HERC2: variants seen among roughly 807,000 people sequenced by gnomAD.
The protein encoded by HERC2 is HECT and RLD domain containing E3 ubiquitin protein ligase 2.
In HERC2, 102 loss-of-function variants were observed where a neutral mutation model predicts 537.7. The ratio of observed to expected loss-of-function variants is 0.19; its 90% CI spans 0.16 to 0.22. The LOEUF (loss-of-function observed/expected upper bound fraction) is 0.22, where lower values mean the gene tolerates loss of function less well. Among genes scored for constraint, HERC2 ranks in the 10% least tolerant of loss-of-function variants. The probability of loss-of-function intolerance (pLI) is 1.00; values close to 1 mark genes in which losing one functional copy is unlikely to be tolerated. For missense variants in HERC2, 4,236 were observed against 6,198.2 expected (o/e 0.68, Z 10.63); for synonymous variants, 2,224 against 2,466.2 (o/e 0.90, Z 2.91).
chr15:28,212,936 G>A (rs1213931857), intron 42 of HERC2: 1 of 315,658 alleles, frequency 3.2e-6, no homozygotes, highest in Admixed American at 6.5e-5. Context: ...GTCAGGCCAG[G>A]CACGGTGGCT....
intron 83 of HERC2, among the ~76,000 whole-genome samples, chr15:28,129,848 C>A (rs1889918949): frequency 6.8e-6 from 1 of 147,728 alleles, no homozygotes. Flanking sequence ...ACGATCTTGG[C>A]TCACTGCAAC....
intron 4 of HERC2, among the ~76,000 whole-genome samples, chr15:28,287,100 T>C (rs1240752148): frequency 1.3e-5 from 2 of 151,996 alleles, no homozygotes; most frequent in Admixed American, 6.6e-5. Context: ...AATAAAACGT[T>C]GGAAAAAAAT....
chr15:28,114,787 T>A lies in HERC2; in HGVS notation c.13738A>T (p.Ile4580Phe). The change falls in exon 90 of 93, where the codon ATT becomes TTT. Residue 4580 changes from isoleucine (I) to phenylalanine (F), a missense_variant. Coordinates refer to ENST00000261609, the MANE Select transcript of HERC2 (RefSeq NM_004667.6). ...TCTCGGATGTACATGAGTCCAGGAATAAAATCCTTATCAACCTTTTAAGGA... is the reference window on the plus strand; with the variant it reads ...TCTCGGATGTACATGAGTCCAGGAAAAAAATCCTTATCAACCTTTTAAGGA... ...ADLSEVDKDF[I>F]PGLMYIRDNE... The A allele has an allele frequency of 2.5e-6, 4 of 1,613,910 alleles. No homozygotes were observed. The highest frequency in any genetic ancestry group is 3.4e-6 in the Non-Finnish European group (4 of 1,179,972).
chr15:28,165,000 T>C (rs1893982178), intron 68 of HERC2, among the ~76,000 whole-genome samples: 1 of 152,042 alleles, frequency 6.6e-6, no homozygotes, highest in Non-Finnish European at 1.5e-5. Flanking sequence ...CCAAATGTAA[T>C]TAAAAATAAA....
intron 37 of HERC2, among the ~76,000 whole-genome samples, chr15:28,219,734 C>A (rs1323399472): frequency 6.6e-6 from 1 of 152,162 alleles, no homozygotes; most frequent in African/African-American, 2.4e-5. Flanking sequence ...CATTTCTGAG[C>A]CTGATGACAC....
chr15:28,310,287 A>G (rs148073915), intron 2 of HERC2, among the ~76,000 whole-genome samples: 248 of 152,162 alleles, frequency 1.6e-3, no homozygotes, highest in African/African-American at 5.8e-3. Flanking sequence ...TTCTACCAAA[A>G]ATACAAAAAA....
intron 23 of HERC2, among the ~76,000 whole-genome samples, chr15:28,244,296 C>T (rs1466667051): frequency 6.6e-6 from 1 of 152,106 alleles, no homozygotes; most frequent in African/African-American, 2.4e-5. Context: ...AATGAAAGAA[C>T]TCAATAACGG....
chr15:28,145,487 G>A (rs1040317864), intron 71 of HERC2, among the ~76,000 whole-genome samples: 1 of 152,210 alleles, frequency 6.6e-6, no homozygotes, highest in African/African-American at 2.4e-5. Flanking sequence ...TACACTGGCA[G>A]ACATCTGTCA....
At chr15:28,143,479 G>A (rs1211851138) in intron 74 of HERC2, among the ~76,000 whole-genome samples, 1 of 151,758 alleles carries the variant, frequency 6.6e-6, no homozygotes. Flanking sequence ...ATGGAGTCTC[G>A]CTCTGTCACC....
At chr15:28,293,212 G>A (rs1436012389) in intron 3 of HERC2, among the ~76,000 whole-genome samples, 190 bp from the exon 4 acceptor site, 5 of 151,988 alleles carry the variant, frequency 3.3e-5, no homozygotes, top group South Asian at 2.1e-4. Flanking sequence ...CCAATATATC[G>A]GCCAGGCGTG....
chr15:28,191,917 C>A, intron 53 of HERC2, 44 bp downstream of exon 53: 1 of 1,554,962 alleles, frequency 6.4e-7, no homozygotes. Flanking sequence ...AAGGCAAAAC[C>A]ATCGGTGTGA....
intron 1 of HERC2, 80 bp downstream of exon 1, chr15:28,321,989 ACGCCCG>A (rs1428320377): frequency 9.3e-6 from 1 of 107,088 alleles, no homozygotes; most frequent in Non-Finnish European, 1.8e-5. Flanking sequence ...CGCCGCGCCC[ACGCCCG>A]CCTCCCGGGC....
At chr15:28,217,395 C>A (rs1401141822) in intron 38 of HERC2, among the ~76,000 whole-genome samples, 2 of 152,162 alleles carry the variant, frequency 1.3e-5, no homozygotes, top group Admixed American at 1.3e-4. Context: ...AAACGCTCAG[C>A]CACTTGCCCA....
chr15:28,208,081 T>C (rs1005986414), intron 44 of HERC2, among the ~76,000 whole-genome samples: 6 of 152,200 alleles, frequency 3.9e-5, no homozygotes, highest in East Asian at 1.9e-4. Context: ...GCTCCAATCT[T>C]CCAATCTCTA....
At chr15:28,315,791 TGG>T in intron 2 of HERC2, 1 of 1,406,938 alleles carries the variant, frequency 7.1e-7, no homozygotes, top group Non-Finnish European at 9.6e-7. Flanking sequence ...TGTTGCACTG[TGG>T]AGGCCACAGG....
intron 52 of HERC2, among the ~76,000 whole-genome samples, chr15:28,194,128 C>G (rs1311569739): frequency 7.3e-5 from 11 of 150,082 alleles, no homozygotes; most frequent in Admixed American, 6.6e-4. Flanking sequence ...TGCAGTGGCA[C>G]GATCTCGGCT....
Position 28,246,618 on chromosome 15 carries a change from G to A in HERC2, c.3391+124C>T, listed in dbSNP as rs1903732217. ...GTAACTAAAAAAAAAAAACAAAGGT[G>A]AAAGGGCAGGAGGCCCAGAAAATTT... On this transcript the variant is annotated intron_variant, in intron 22 of 92. Transcript: ENST00000261609. 5.5e-6 allele frequency: 4 copies of A among 727,366 alleles called. No homozygotes were observed. The South Asian group carries it at 8.3e-5, about 15-fold the overall frequency. The allele number at this position is 727,366 out of a possible 1,614,324, so 45.1% of individuals were successfully genotyped here. A position where few individuals can be genotyped will look rare whatever the true frequency, so the allele number is the denominator to read the frequency against.
In HERC2 at chr15:28,248,549, T is replaced by A; in HGVS notation, c.3235+3A>T. Reference sequence around the variant, plus strand: ...AGACACTTTCACATTTTAAGCAACTTACTAGAAATATCTGAGGTCTGACCA... The same window carrying A: ...AGACACTTTCACATTTTAAGCAACTAACTAGAAATATCTGAGGTCTGACCA... On this transcript the variant is annotated splice_donor_region_variant and intron_variant, in intron 21 of 92. Transcript: ENST00000261609. The A allele has an allele frequency of 6.2e-7, 1 of 1,611,108 alleles. No individual in the cohort carries two copies. The highest frequency in any genetic ancestry group is 1.7e-5 in the Admixed American group (1 of 59,944).
Position 28,152,843 on chromosome 15 carries a change from C to G in HERC2, c.10747-13G>C. On this transcript the variant is annotated splice_polypyrimidine_tract_variant and intron_variant, in intron 69 of 92. Transcript: ENST00000261609. ...GCATATCTGCCACCTGGAGAGGAAGCAAGGACATGAATGAGGGGGCCAACA... is the reference window on the plus strand; with the variant it reads ...GCATATCTGCCACCTGGAGAGGAAGGAAGGACATGAATGAGGGGGCCAACA... 1 of 1,558,658 alleles carries G rather than the reference C, an allele frequency of 6.4e-7. No homozygotes were observed. The highest frequency in any genetic ancestry group is 8.7e-7 in the Non-Finnish European group (1 of 1,150,834).
Sources: gnomAD v4.1 joint callset for allele counts (sites outside exome capture counted in the v4.1 genomes callset) on GRCh38, gnomAD v4.1.1 for gene constraint, MANE v1.5 for transcripts, NCBI Gene and HGNC (gene_info 2026-07-23, HGNC 2026-07-21) for gene names.